The following ANKS1B variants were observed in gnomAD, a reference collection of about 807,000 sequenced individuals.
The protein encoded by ANKS1B is ankyrin repeat and sterile alpha motif domain-containing protein 1B.
In ANKS1B, 36 loss-of-function variants were observed where a neutral mutation model predicts 148.3. That is an observed-to-expected ratio of 0.24 (90% CI 0.19 to 0.32). The LOEUF (loss-of-function observed/expected upper bound fraction) is 0.32, where lower values mean the gene tolerates loss of function less well. Ranked by LOEUF, ANKS1B falls within the 10% of genes least tolerant of loss-of-function variation. The pLI, the probability that ANKS1B is intolerant of heterozygous loss-of-function variation, is 1.00. For synonymous variants in ANKS1B, 542 were observed against 560.8 expected, an observed-to-expected ratio of 0.97 and a Z score of 0.47; for missense variants, 1,157 against 1,542.6, an observed-to-expected ratio of 0.75 and a Z score of 4.19.
intron 16 of ANKS1B, among the ~76,000 whole-genome samples, chr12:99,069,743 T>C (rs911435659): frequency 2.6e-5 from 4 of 152,226 alleles, no homozygotes; most frequent in African/African-American, 9.6e-5. Flanking sequence ...ATTAACTGAA[T>C]GTCTATTTAC....
At chr12:99,783,190 CAAAAAA>C (rs766608067) in intron 4 of ANKS1B, among the ~76,000 whole-genome samples, 1 of 62,446 alleles carries the variant, frequency 1.6e-5, no homozygotes, top group Non-Finnish European at 3.4e-5. Context: ...GAATCCATCG[CAAAAAA>C]AAAAAAAAAG....
chr12:99,225,885 T>C (rs2085859577), intron 14 of ANKS1B, among the ~76,000 whole-genome samples: 1 of 152,214 alleles, frequency 6.6e-6, no homozygotes, highest in Non-Finnish European at 1.5e-5. Context: ...ATCATGTGAG[T>C]CAATATTCCT....
intron 16 of ANKS1B, among the ~76,000 whole-genome samples, chr12:99,083,349 GC>G (rs1443093184): frequency 1.3e-5 from 2 of 152,034 alleles, no homozygotes; most frequent in African/African-American, 4.8e-5. Context: ...CCTCCAATCT[GC>G]CCCACAGTCT....
Position 99,984,319 on chromosome 12 carries a change from G to T in ANKS1B, c.-82C>A. On this transcript the variant is annotated 5_prime_UTR_variant, in exon 1 of 27. Coordinates refer to ENST00000683438, the MANE Select transcript of ANKS1B (RefSeq NM_001352186.2). Reference sequence around the variant, plus strand: ...CCACCCCCACTCCCCAAAATCCAGGGCCCTCTTCGCCCCACCCTAAAATAA... The same window carrying T: ...CCACCCCCACTCCCCAAAATCCAGGTCCCTCTTCGCCCCACCCTAAAATAA... 1 of 1,164,822 alleles carries T rather than the reference G, an allele frequency of 8.6e-7. No homozygotes were observed. The highest frequency in any genetic ancestry group is 1.1e-6 in the Non-Finnish European group (1 of 882,230). The allele number at this position is 1,164,822 out of a possible 1,614,324, so 72.2% of individuals were successfully genotyped here. A position where few individuals can be genotyped will look rare whatever the true frequency, so the allele number is the denominator to read the frequency against.
intron 8 of ANKS1B, among the ~76,000 whole-genome samples, chr12:99,705,905 T>C (rs1453265217): frequency 2.6e-5 from 4 of 152,000 alleles, no homozygotes; most frequent in South Asian, 4.1e-4. Context: ...GTTGACTATA[T>C]ATACATAGAA....
At chr12:99,112,707 T>A (rs772223506) in intron 15 of ANKS1B, among the ~76,000 whole-genome samples, 1 of 152,118 alleles carries the variant, frequency 6.6e-6, no homozygotes, top group Non-Finnish European at 1.5e-5. Context: ...CCCCATGAGG[T>A]AAGTACAGCT....
chr12:99,976,417 G>A (rs2095629809), intron 1 of ANKS1B, among the ~76,000 whole-genome samples: 1 of 152,118 alleles, frequency 6.6e-6, no homozygotes, highest in Non-Finnish European at 1.5e-5. Flanking sequence ...CTGGAGCCAG[G>A]GTGAACTTGT....
intron 1 of ANKS1B, among the ~76,000 whole-genome samples, chr12:99,906,395 G>A (rs929953786): frequency 7.2e-5 from 11 of 152,176 alleles, no homozygotes; most frequent in Non-Finnish European, 1.6e-4. Flanking sequence ...TCCCAAAGAC[G>A]TAATGCACAA....
intron 1 of ANKS1B, among the ~76,000 whole-genome samples, chr12:99,888,999 C>CACACAT (rs1491163791): frequency 3.0e-4 from 44 of 146,854 alleles, no homozygotes; most frequent in Non-Finnish European, 5.6e-4. Context: ...CACACACACA[C>CACACAT]AACTAGAGAC....
chr12:99,253,968 C>A (rs571232275), intron 12 of ANKS1B, among the ~76,000 whole-genome samples: 1 of 152,224 alleles, frequency 6.6e-6, no homozygotes, highest in Non-Finnish European at 1.5e-5. Flanking sequence ...AATTTGTGGG[C>A]CATTCTACAA....
intron 9 of ANKS1B, among the ~76,000 whole-genome samples, chr12:99,632,611 T>C (rs183485754): frequency 6.6e-6 from 1 of 151,072 alleles, no homozygotes; most frequent in East Asian, 2.0e-4. Context: ...AGAATGCTAG[T>C]CATGGAGTCA....
intron 17 of ANKS1B, among the ~76,000 whole-genome samples, chr12:99,001,466 G>A (rs1038451911): frequency 3.3e-5 from 5 of 152,232 alleles, no homozygotes; most frequent in South Asian, 2.1e-4. Flanking sequence ...CGAAAAGTGG[G>A]ATTGTTGGAT....
At chr12:99,873,884 A>G (rs1368836156) in intron 1 of ANKS1B, among the ~76,000 whole-genome samples, 1 of 152,048 alleles carries the variant, frequency 6.6e-6, no homozygotes, top group Non-Finnish European at 1.5e-5. Context: ...CCAGCAGACC[A>G]CCTTTGGACT....
chr12:98,957,225 G>T (rs974503954), intron 17 of ANKS1B, among the ~76,000 whole-genome samples: 2 of 152,092 alleles, frequency 1.3e-5, no homozygotes, highest in Non-Finnish European at 1.5e-5. Flanking sequence ...CCACAAGTGG[G>T]ATAAGCAATT....
At chr12:99,249,378 T>C (rs1602060723) in intron 12 of ANKS1B, among the ~76,000 whole-genome samples, 1 of 152,200 alleles carries the variant, frequency 6.6e-6, no homozygotes, top group African/African-American at 2.4e-5. Context: ...GTAGTTTGAC[T>C]ACAATGACTA....
chr12:98,794,342 A>C (rs1038029245), intron 22 of ANKS1B: 1 of 195,522 alleles, frequency 5.1e-6, no homozygotes, highest in Non-Finnish European at 9.8e-6. Flanking sequence ...CAGTGAGCCA[A>C]GATTGCACCA....
chr12:99,905,315 G>C (rs866725258), intron 1 of ANKS1B, among the ~76,000 whole-genome samples: 33 of 152,158 alleles, frequency 2.2e-4, no homozygotes, highest in African/African-American at 7.7e-4. Flanking sequence ...GACCATGGAA[G>C]GGAGTGGAAG....
chr12:99,384,737 T>G (rs915506508), intron 12 of ANKS1B, among the ~76,000 whole-genome samples: 1 of 152,146 alleles, frequency 6.6e-6, no homozygotes, highest in East Asian at 1.9e-4. Flanking sequence ...ACTCGTTTTG[T>G]GAAACCATCT....
At chr12:99,004,205 T>C (rs1333855298) in intron 17 of ANKS1B, among the ~76,000 whole-genome samples, 2 of 152,194 alleles carry the variant, frequency 1.3e-5, no homozygotes, top group Non-Finnish European at 2.9e-5. Flanking sequence ...CTGATTGTTA[T>C]ATGAGAGAAA....
Sources: allele counts gnomAD v4.1 joint callset (sites outside exome capture counted in the v4.1 genomes callset), GRCh38; gene constraint gnomAD v4.1.1; transcripts MANE v1.5; gene names NCBI Gene and HGNC (gene_info 2026-07-23, HGNC 2026-07-21).